Variants in TAS1R3 observed in about 807,000 individuals in gnomAD.
The protein encoded by TAS1R3 is taste 1 receptor member 3, also known as taste receptor type 1 member 3.
A neutral mutation model predicts 46.1 loss-of-function variants in TAS1R3; 58 were observed. That is an observed-to-expected ratio of 1.26 (90% CI 1.02 to 1.57). The LOEUF is 1.57. Ranked by LOEUF, TAS1R3 falls within the 40% of genes most tolerant of loss-of-function variation. TAS1R3 has a pLI of 0.00. For synonymous variants in TAS1R3, 724 were observed against 544.7 expected (o/e 1.33, Z -4.58); for missense variants, 1,422 against 1,185.8 (o/e 1.20, Z -2.93).
In TAS1R3 at chr1:1,332,272, T is replaced by C; in HGVS notation, c.741T>C (p.Arg247=). The change falls in exon 3 of 6, where the codon CGT becomes CGC. Residue 247 remains arginine, a synonymous_variant. Transcript: ENST00000339381. ...IAHEGLVPLP[R]ADDSRLGKVQ... is the part of the protein sequence containing the mutation. The stretch of plus-strand genomic sequence containing the variant: ...ACGAGGGCCTGGTGCCGCTGCCCCG[T>C]GCCGATGACTCGCGGCTGGGGAAGG... 6.2e-7 allele frequency: 1 copy of C among 1,601,992 alleles called. No homozygotes were observed. Among genetic ancestry groups the C allele is most frequent in the Non-Finnish European group, 8.5e-7 (1 of 1,178,106 alleles).
rs1358127198 is a variant in TAS1R3, at chr1:1,332,821, T to C, written c.1275+15T>C. 7 of 1,599,272 alleles carry C rather than the reference T, an allele frequency of 4.4e-6. No homozygotes were observed. Among genetic ancestry groups the C allele is most frequent in the Non-Finnish European group, 4.3e-6 (5 of 1,173,262 alleles). ...AGCCCTGGCAGGTGAGCCCGGGAGA[T>C]GGGGGTGTGCTGTCCTCTGCATGTG... On this transcript the variant is annotated intron_variant, in intron 3 of 5. Transcript: ENST00000339381.
Position 1,333,304 on chromosome 1 carries a change from C to A in TAS1R3, c.1525C>A (p.Arg509Ser), listed in dbSNP as rs755606520. 6.7e-5 allele frequency: 107 copies of A among 1,598,910 alleles called. No individual in the cohort carries two copies. The highest frequency in any genetic ancestry group is 7.9e-5 in the Non-Finnish European group (93 of 1,173,798). Reference sequence around the variant, plus strand: ...GCGGCAGTGCCAGGAGGGCCAGGTGCGCCGGGTCAAGGGGTTCCACTCCTG... The same window carrying A: ...GCGGCAGTGCCAGGAGGGCCAGGTGAGCCGGGTCAAGGGGTTCCACTCCTG... ...CSRQCQEGQV[R>S]RVKGFHSCCY... is the part of the protein sequence containing the mutation. Residue 509 changes from arginine (R) to serine (S), a missense_variant, in exon 5 of 6, where the codon CGC (arginine) becomes AGC (serine). Physicochemically the swap from Arg to Ser is moderately radical, Grantham distance 110. Transcript: ENST00000339381.
At position 1,333,795 on chromosome 1, in the gene TAS1R3, T is replaced by A; in HGVS notation, c.1890T>A (p.Pro630=). The A allele has an allele frequency of 6.3e-7, 1 of 1,594,972 alleles. No individual in the cohort carries two copies. Among genetic ancestry groups the A allele is most frequent in the Non-Finnish European group, 8.5e-7 (1 of 1,175,742 alleles). Residue 630 remains proline (P), a synonymous_variant, in exon 6 of 6, where the codon CCT becomes CCA. Transcript: ENST00000339381. ...SVLLFPGQPS[P]ARCLAQQPLS... Reference sequence around the variant, plus strand: ...TCCTGTTCCCTGGCCAGCCCAGCCCTGCCCGATGCCTGGCCCAGCAGCCCT... The same window carrying A: ...TCCTGTTCCCTGGCCAGCCCAGCCCAGCCCGATGCCTGGCCCAGCAGCCCT...
Position 1,334,177 on chromosome 1 carries a change from T to C in TAS1R3, c.2272T>C (p.Tyr758His). ...CCTGGTGCGGAGCCAGCCGGGCTGC[T>C]ACAACCGTGCCCGTGGCCTCACCTT... ...TFLVRSQPGC[Y>H]NRARGLTFAM... The change falls in exon 6 of 6, where the codon TAC becomes CAC. Residue 758 changes from tyrosine to histidine, a missense_variant. By Grantham distance (83) the Tyr-to-His change is moderately conservative. Coordinates refer to ENST00000339381, the MANE Select transcript of TAS1R3 (RefSeq NM_152228.3). 10 of 1,597,214 alleles carry C rather than the reference T, an allele frequency of 6.3e-6. No homozygotes were observed. The highest frequency in any genetic ancestry group is 8.5e-6 in the Non-Finnish European group (10 of 1,172,202).
chr1:1,333,244 C>T lies in TAS1R3; in HGVS notation c.1480-15C>T, dbSNP rs756671281. The T allele has an allele frequency of 2.5e-6, 4 of 1,598,456 alleles. No homozygotes were observed. Among genetic ancestry groups the T allele is most frequent in the Non-Finnish European group, 3.4e-6 (4 of 1,175,462 alleles). On this transcript the variant is annotated splice_polypyrimidine_tract_variant and intron_variant, in intron 4 of 5. Transcript: ENST00000339381. ...TGCCCAGCCGAGCAGAGCCAGACCCCAGGCCTGTGCGCAGAAGCCCGTGTC... is the reference window on the plus strand; with the variant it reads ...TGCCCAGCCGAGCAGAGCCAGACCCTAGGCCTGTGCGCAGAAGCCCGTGTC...
chr1:1,333,408 G>C (rs753565632), intron 5 of TAS1R3, 29 bp downstream of exon 5: 2 of 1,610,908 alleles, frequency 1.2e-6, no homozygotes, highest in Admixed American at 3.3e-5. Context: ...AGGCGGGGGT[G>C]GGAACGCAGC....
Position 1,332,516 on chromosome 1 carries a change from G to T in TAS1R3, c.985G>T (p.Ala329Ser), listed in dbSNP as rs1196015841. The T allele has an allele frequency of 1.2e-6, 2 of 1,611,422 alleles. No individual in the cohort carries two copies. The highest frequency in any genetic ancestry group is 2.2e-5 in the South Asian group (2 of 91,084). ...GTVLGFLQRG[A>S]QLHEFPQYVK... ...GGTGCTTGGCTTCCTCCAGAGGGGTGCCCAGCTGCACGAGTTCCCCCAGTA... is the reference window on the plus strand; with the variant it reads ...GGTGCTTGGCTTCCTCCAGAGGGGTTCCCAGCTGCACGAGTTCCCCCAGTA... The change falls in exon 3 of 6, where the codon GCC becomes TCC. Residue 329 changes from alanine to serine, a missense_variant. Coordinates refer to ENST00000339381, the MANE Select transcript of TAS1R3 (RefSeq NM_152228.3).
rs762164825 is a variant in TAS1R3, at chr1:1,332,172, GCGA to G, written c.648_650del (p.Asp216del). The stretch of plus-strand genomic sequence containing the variant: ...TGGAACTGGGTGGCCGCCCTGGGCA[GCGA>G]CGACGAGTACGGCCGGCAGGGCCTG... On this transcript the variant is annotated inframe_deletion, in exon 3 of 6. Transcript: ENST00000339381. 6.3e-6 allele frequency: 10 copies of G among 1,597,100 alleles called. No individual in the cohort carries two copies. Among genetic ancestry groups the G allele is most frequent in the Middle Eastern group, 1.6e-4 (1 of 6,076 alleles).
In TAS1R3 at chr1:1,331,294, A is replaced by C. The variant is rs927827485; in HGVS notation, c.-52A>C. 1 of 1,511,122 alleles carries C rather than the reference A, an allele frequency of 6.6e-7. No individual in the cohort carries two copies. Among genetic ancestry groups the C allele is most frequent in the African/African-American group, 1.4e-5 (1 of 71,376 alleles). The allele number at this position is 1,511,122 out of a possible 1,614,324, so 93.6% of individuals were successfully genotyped here. ...CCCCGCCCCGGGCTCACTCCATGTG[A>C]GGCCCCAGTCGGGGCAGCCACCTGC... On this transcript the variant is annotated 5_prime_UTR_variant, in exon 1 of 6. An upstream open reading frame in the 5' UTR loses its in-frame stop. Transcript: ENST00000339381.
At position 1,332,927 on chromosome 1, in the gene TAS1R3, G is replaced by T; in HGVS notation, c.1282G>T (p.Glu428Ter). 1 of 1,606,624 alleles carries T rather than the reference G, an allele frequency of 6.2e-7. No homozygotes were observed. The highest frequency in any genetic ancestry group is 8.5e-7 in the Non-Finnish European group (1 of 1,175,240). ...CCCCGTCCCCCGCCCGCAGCTCCTG[G>T]AGAACATGTACAACCTGACCTTCCA... is the stretch of plus-strand genomic sequence containing the variant. The part of the protein sequence containing the change: ...QDPVKPWQLL[E>*]NMYNLTFHVG... The change falls in exon 4 of 6, where the codon GAG (glutamate) becomes TAG (stop). Residue 428 changes from glutamate (E) to a stop codon, truncating the protein, a stop_gained. Transcript: ENST00000339381. LOFTEE classifies it high-confidence loss of function.
Position 1,331,631 on chromosome 1 carries a change from G to T in TAS1R3, c.192-7G>T. 6.2e-7 allele frequency: 1 copy of T among 1,608,624 alleles called. No individual in the cohort carries two copies. On this transcript the variant is annotated splice_polypyrimidine_tract_variant and splice_region_variant and intron_variant, in intron 1 of 5. Coordinates refer to ENST00000339381, the MANE Select transcript of TAS1R3 (RefSeq NM_152228.3). The stretch of plus-strand genomic sequence containing the variant: ...AGGTGGCCATCTGCGGTTCTGTGTG[G>T]CCCCAGGTTCTCCTCAAACGGCCTG...
rs1261728322 is a variant in TAS1R3, at chr1:1,333,786, G to A, written c.1881G>A (p.Gln627=). The change falls in exon 6 of 6, where the codon CAG becomes CAA. Residue 627 remains glutamine (Q), a synonymous_variant. Coordinates refer to ENST00000339381, the MANE Select transcript of TAS1R3 (RefSeq NM_152228.3). ...VCLSVLLFPG[Q]PSPARCLAQQ... is the part of the protein sequence containing the mutation. ...TCAGCGTCCTCCTGTTCCCTGGCCA[G>A]CCCAGCCCTGCCCGATGCCTGGCCC... 3 of 1,592,668 alleles carry A rather than the reference G, an allele frequency of 1.9e-6. No homozygotes were observed. The highest frequency in any genetic ancestry group is 3.4e-5 in the Admixed American group (2 of 58,378).
Position 1,332,368 on chromosome 1 carries a change from C to G in TAS1R3, c.837C>G (p.Ala279=), listed in dbSNP as rs560492615. ...TGCTGCTGTTCGCCTCCGTGCACGC[C>G]GCCCACGCCCTCTTCAACTACAGCA... ...QVVLLFASVH[A]AHALFNYSIS... is the part of the protein sequence containing the mutation. The change falls in exon 3 of 6, where the codon GCC becomes GCG. Residue 279 remains alanine, a synonymous_variant. Transcript: ENST00000339381. 3 of 1,599,992 alleles carry G rather than the reference C, an allele frequency of 1.9e-6. No homozygotes were observed. The highest frequency in any genetic ancestry group is 1.7e-4 in the Middle Eastern group (1 of 6,050).
In TAS1R3 at chr1:1,331,546, T is replaced by C; in HGVS notation, c.191+10T>C. Reference sequence around the variant, plus strand: ...GCCCTGTGTGCACCAGGTACAGAGGTGGGACGGCCTGGGTCGGGGTCAGGG... The same window carrying C: ...GCCCTGTGTGCACCAGGTACAGAGGCGGGACGGCCTGGGTCGGGGTCAGGG... On this transcript the variant is annotated intron_variant, in intron 1 of 5. Coordinates refer to ENST00000339381, the MANE Select transcript of TAS1R3 (RefSeq NM_152228.3). 1 of 1,595,218 alleles carries C rather than the reference T, an allele frequency of 6.3e-7. No homozygotes were observed. Among genetic ancestry groups the C allele is most frequent in the Non-Finnish European group, 8.5e-7 (1 of 1,171,140 alleles).
chr1:1,331,811 G>A lies in TAS1R3; in HGVS notation c.365G>A (p.Ser122Asn), dbSNP rs766200534. The change falls in exon 2 of 6, where the codon AGC (serine) becomes AAC (asparagine). Residue 122 changes from serine to asparagine, a missense_variant. Ser to Asn is a conservative substitution (Grantham distance 46). Transcript: ENST00000339381. The part of the protein sequence containing the change: ...PSLMFLAKAG[S>N]RDIAAYCNYT... Reference sequence around the variant, plus strand: ...CTCATGTTCCTGGCCAAGGCAGGCAGCCGCGACATCGCCGCCTACTGCAAC... The same window carrying A: ...CTCATGTTCCTGGCCAAGGCAGGCAACCGCGACATCGCCGCCTACTGCAAC... 5 of 1,612,824 alleles carry A rather than the reference G, an allele frequency of 3.1e-6. No homozygotes were observed. The highest frequency in any genetic ancestry group is 4.2e-6 in the Non-Finnish European group (5 of 1,180,018).
Position 1,332,979 on chromosome 1 carries a change from ACAG to A in TAS1R3, c.1339_1341del (p.Ser447del). On this transcript the variant is annotated inframe_deletion, in exon 4 of 6. Transcript: ENST00000339381. ...GTGGGCGGGCTGCCGCTGCGGTTCGACAGCAGCGGAAACGTGGACATGGAGTAC... is the reference window on the plus strand; with the variant it reads ...GTGGGCGGGCTGCCGCTGCGGTTCGACAGCGGAAACGTGGACATGGAGTAC... 6.2e-7 allele frequency: 1 copy of A among 1,612,412 alleles called. No homozygotes were observed. Among genetic ancestry groups the A allele is most frequent in the Non-Finnish European group, 8.5e-7 (1 of 1,179,632 alleles).
intron 4 of TAS1R3, 42 bp downstream of exon 4, chr1:1,333,166 C>T: frequency 6.3e-7 from 1 of 1,598,820 alleles, no homozygotes; most frequent in Non-Finnish European, 8.5e-7. Context: ...CGTGGTAGCC[C>T]CCGCGGCAGG....
rs764059065 is a variant in TAS1R3 at position 1,332,708 on chromosome 1, G to C, written c.1177G>C (p.Val393Leu). 5 of 1,604,260 alleles carry C rather than the reference G, an allele frequency of 3.1e-6. 1 individual carries two copies. In the South Asian group the frequency reaches 5.5e-5, roughly 18 times the overall value. ...AGLNHHQTFS[V>L]YAAVYSVAQA... ...GCTAAATCACCACCAGACGTTCTCTGTCTACGCAGCTGTGTATAGCGTGGC... is the reference window on the plus strand; with the variant it reads ...GCTAAATCACCACCAGACGTTCTCTCTCTACGCAGCTGTGTATAGCGTGGC... Residue 393 changes from valine to leucine, a missense_variant, in exon 3 of 6, where the codon GTC becomes CTC. Physicochemically the swap from Val to Leu is conservative, Grantham distance 32. Coordinates refer to ENST00000339381, the MANE Select transcript of TAS1R3 (RefSeq NM_152228.3).
In TAS1R3 at chr1:1,332,665, G is replaced by A. The variant is rs777531623; in HGVS notation, c.1134G>A (p.Leu378=). 1.0e-5 allele frequency: 16 copies of A among 1,606,428 alleles called. No individual in the cohort carries two copies. The highest frequency in any genetic ancestry group is 4.2e-6 in the Non-Finnish European group (5 of 1,179,552). Residue 378 remains leucine (L), a synonymous_variant, in exon 3 of 6, where the codon CTG becomes CTA. Coordinates refer to ENST00000339381, the MANE Select transcript of TAS1R3 (RefSeq NM_152228.3). The stretch of plus-strand genomic sequence containing the variant: ...GCCCGCAGTGTGACTGCATCACGCT[G>A]CAGAACGTGAGCGCAGGGCTAAATC... ...QRCPQCDCIT[L]QNVSAGLNHH... is the part of the protein sequence containing the mutation.
Sources: gnomAD v4.1 joint callset for allele counts on GRCh38, gnomAD v4.1.1 for gene constraint, MANE v1.5 for transcripts, NCBI Gene and HGNC (gene_info 2026-07-23, HGNC 2026-07-21) for gene names.